Variants in AFAP1 observed in about 807,000 individuals in gnomAD.
AFAP1 encodes actin filament associated protein 1.
AFAP1 carries 75 observed loss-of-function variants against 93.9 expected under a neutral mutation model. The observed-to-expected ratio is 0.80, with a 90% CI of 0.66 to 0.97. The LOEUF is 0.97. Among genes scored for constraint, AFAP1 ranks in the 50% least tolerant of loss-of-function variants. The pLI, the probability that AFAP1 is intolerant of heterozygous loss-of-function variation, is 0.00. For synonymous variants in AFAP1, 517 were observed against 430.7 expected (o/e 1.20, Z -2.48); for missense variants, 1,201 against 1,050.8 (o/e 1.14, Z -1.98).
chr4:7,801,696 A>G lies in AFAP1; in HGVS notation c.1055-1043T>C, dbSNP rs79997688. Among the ~76,000 whole-genome samples the G allele has an allele frequency of 3.8e-3, 573 of 152,202 alleles. 4 individuals are homozygous for G. Among genetic ancestry groups the G allele is most frequent in the African/African-American group, 0.013 (544 of 41,518 alleles). On this transcript the variant is annotated intron_variant, in intron 9 of 17. Transcript: ENST00000420658. ...AAGTTCAGCTACTCCTTCAATTCAC[A>G]CATGCACACACACACATACCCCTGC...
intron 9 of AFAP1, among the ~76,000 whole-genome samples, chr4:7,803,863 C>T (rs558574198): frequency 2.8e-4 from 42 of 152,002 alleles, no homozygotes; most frequent in Non-Finnish European, 4.9e-4. Flanking sequence ...CAATTTTCCC[C>T]CCAAAAAAAT....
In AFAP1 at chr4:7,763,749, G is replaced by C; in HGVS notation, c.*16C>G. 6.4e-7 allele frequency: 1 copy of C among 1,551,658 alleles called. No homozygotes were observed. Among genetic ancestry groups the C allele is most frequent in the South Asian group, 1.2e-5 (1 of 84,050 alleles). ...GGGGTGTGCAGTCTCTGAGGCTGGAGTGGTGCTGCTGTCCCCTAGGTCCCG... is the reference window on the plus strand; with the variant it reads ...GGGGTGTGCAGTCTCTGAGGCTGGACTGGTGCTGCTGTCCCCTAGGTCCCG... On this transcript the variant is annotated 3_prime_UTR_variant, in exon 18 of 18. Coordinates refer to ENST00000420658, the MANE Select transcript of AFAP1 (RefSeq NM_001134647.2).
At position 7,786,308 on chromosome 4, in the gene AFAP1, G is replaced by C; in HGVS notation, c.1416C>G (p.Phe472Leu). The stretch of plus-strand genomic sequence containing the variant: ...TAGCAGATATAACACGCCTGTTCAT[G>C]AAACTGAAAGAAAGGAAATGCGTTA... The part of the protein sequence containing the change: ...VIQTAKQTFC[F>L]MNRRVISANP... The change falls in exon 12 of 18, where the codon TTC becomes TTG. Residue 472 changes from phenylalanine to leucine, a missense_variant. Physicochemically the swap from Phe to Leu is conservative, Grantham distance 22. Transcript: ENST00000420658. The C allele has an allele frequency of 6.2e-7, 1 of 1,611,598 alleles. No homozygotes were observed.
In AFAP1 at chr4:7,802,740, C is replaced by T. The variant is rs753758886; in HGVS notation, c.1055-2087G>A. ...TCTCAGCTCACTGCAAGCTCTGCCT[C>T]CCGGGTTCACGCCATTCTCCCGCCT... On this transcript the variant is annotated intron_variant, in intron 9 of 17. Transcript: ENST00000420658. Among the ~76,000 whole-genome samples, 210 of 151,052 alleles carry T rather than the reference C, an allele frequency of 1.4e-3. 2 individuals are homozygous for T. The highest frequency in any genetic ancestry group is 1.3e-3 in the Non-Finnish European group (86 of 67,890).
chr4:7,821,929 G>A (rs73210848), intron 6 of AFAP1, among the ~76,000 whole-genome samples: 22,962 of 152,180 alleles, frequency 0.15, 1,889 homozygotes, highest in East Asian at 0.26. Flanking sequence ...AACCCAGAGA[G>A]CTCGCTGTCA....
intron 5 of AFAP1, among the ~76,000 whole-genome samples, chr4:7,841,495 C>A (rs1476584677): frequency 6.6e-6 from 1 of 152,190 alleles, no homozygotes; most frequent in Non-Finnish European, 1.5e-5. Context: ...GAACAAGTTC[C>A]AGAAGGAGAT....
intron 3 of AFAP1, among the ~76,000 whole-genome samples, chr4:7,858,355 C>T (rs373739342): frequency 1.3e-5 from 2 of 152,184 alleles, no homozygotes; most frequent in Non-Finnish European, 2.9e-5. Context: ...ACTACTTTCA[C>T]TTTGAAATAA....
intron 14 of AFAP1, 59 bp downstream of exon 14, chr4:7,778,703 G>A: frequency 1.9e-6 from 3 of 1,541,322 alleles, no homozygotes; most frequent in South Asian, 2.2e-5. Flanking sequence ...GCTCAGACAG[G>A]CCCAGCTCCA....
At chr4:7,909,750 C>A (rs1340235091) in intron 1 of AFAP1, among the ~76,000 whole-genome samples, 1 of 152,178 alleles carries the variant, frequency 6.6e-6, no homozygotes, top group African/African-American at 2.4e-5. Context: ...TCAGAACCAT[C>A]TGGGGGTTTT....
At position 7,939,833 on chromosome 4, in the gene AFAP1, G is replaced by T. The variant is rs1401851364; in HGVS notation, c.-180C>A. ...ATCCGGCTCGGCTCGCGGAGCTGCA[G>T]CCGGCGTGGGGCTGCGGCCGGGACA... On this transcript the variant is annotated 5_prime_UTR_variant, in exon 1 of 18. It adds an upstream start codon to the 5' untranslated region. Transcript: ENST00000420658. This position sits in a 1 kb window ranked among gnomAD's most constrained non-coding sequence, Gnocchi z 5.6. 5 of 286,524 alleles carry T rather than the reference G, an allele frequency of 1.7e-5. No individual in the cohort carries two copies. Among genetic ancestry groups the T allele is most frequent in the Non-Finnish European group, 3.3e-5 (5 of 149,752 alleles). 17.7% of individuals were successfully genotyped at this position (286,524 alleles called of 1,614,324 possible).
chr4:7,765,309 C>A (rs910735834), intron 17 of AFAP1, among the ~76,000 whole-genome samples: 1 of 152,184 alleles, frequency 6.6e-6, no homozygotes, highest in Non-Finnish European at 1.5e-5. Flanking sequence ...CTGATGTCAC[C>A]TGGCCAGCCT....
chr4:7,931,071 T>C (rs1311344049), intron 1 of AFAP1, among the ~76,000 whole-genome samples: 5 of 152,080 alleles, frequency 3.3e-5, no homozygotes, highest in African/African-American at 9.7e-5. Flanking sequence ...ATAATTATAC[T>C]GAGAGGATAG....
At chr4:7,874,587 G>A (rs1298505122) in intron 1 of AFAP1, among the ~76,000 whole-genome samples, 1 of 102,362 alleles carries the variant, frequency 9.8e-6, no homozygotes, top group Non-Finnish European at 1.8e-5. Flanking sequence ...GTTTCACCAT[G>A]TTAGCCGGGA....
At chr4:7,844,034 C>A (rs1156699476) in intron 4 of AFAP1, among the ~76,000 whole-genome samples, 1 of 152,170 alleles carries the variant, frequency 6.6e-6, no homozygotes, top group Non-Finnish European at 1.5e-5. Context: ...TCCATCCACT[C>A]GCCCTCCTGC....
At chr4:7,876,223 C>T (rs1388410017) in intron 1 of AFAP1, among the ~76,000 whole-genome samples, 1 of 152,186 alleles carries the variant, frequency 6.6e-6, no homozygotes, top group Non-Finnish European at 1.5e-5. Flanking sequence ...CTGTGCAAAA[C>T]CCTCCAGAGC....
chr4:7,923,915 A>T (rs1328584748), intron 1 of AFAP1, among the ~76,000 whole-genome samples: 1 of 152,234 alleles, frequency 6.6e-6, no homozygotes, highest in East Asian at 1.9e-4. Context: ...GGGGAGACAT[A>T]AACATTCAGT....
Position 7,772,891 on chromosome 4 carries a change from T to C in AFAP1, c.2182A>G (p.Lys728Glu). 6.2e-7 allele frequency: 1 copy of C among 1,614,194 alleles called. No individual in the cohort carries two copies. The highest frequency in any genetic ancestry group is 8.5e-7 in the Non-Finnish European group (1 of 1,180,034). ...LELTEVKESL[K>E]KALAGGVTLG... is the part of the protein sequence containing the mutation. Reference sequence around the variant, plus strand: ...GTGACTCCGCCCGCCAGCGCTTTCTTCAGGCTCTCCTTGACCTCCGTCAGC... The same window carrying C: ...GTGACTCCGCCCGCCAGCGCTTTCTCCAGGCTCTCCTTGACCTCCGTCAGC... The change falls in exon 16 of 18, where the codon AAG becomes GAG. Residue 728 changes from lysine to glutamate, a missense_variant. By Grantham distance (56) the Lys-to-Glu change is moderately conservative (BLOSUM62 1). Coordinates refer to ENST00000420658, the MANE Select transcript of AFAP1 (RefSeq NM_001134647.2).
At chr4:7,930,468 T>A (rs1721006771) in intron 1 of AFAP1, among the ~76,000 whole-genome samples, 1 of 152,174 alleles carries the variant, frequency 6.6e-6, no homozygotes, top group South Asian at 2.1e-4. Context: ...GGCTGGTATG[T>A]CCAACTCTTT....
chr4:7,850,710 G>C (rs1714333995), intron 4 of AFAP1, among the ~76,000 whole-genome samples: 1 of 152,238 alleles, frequency 6.6e-6, no homozygotes, highest in Non-Finnish European at 1.5e-5. Flanking sequence ...GTGTGGGGCA[G>C]CCATGGGCTC....
Sources: gnomAD v4.1 joint callset for allele counts (sites outside exome capture counted in the v4.1 genomes callset) on GRCh38, gnomAD v4.1.1 for gene constraint, Gnocchi (gnomAD v3.1) non-coding constraint, MANE v1.5 for transcripts, NCBI Gene and HGNC (gene_info 2026-07-23, HGNC 2026-07-21) for gene names.